ULK2: variants seen among roughly 807,000 people sequenced by gnomAD.
ULK2 encodes unc-51 like autophagy activating kinase 2.
Under a neutral mutation model 127.5 loss-of-function variants are expected in ULK2, and 76 were observed. That is an observed-to-expected ratio of 0.60 (90% CI 0.50 to 0.72). ULK2 has a LOEUF of 0.72. Ranked by LOEUF, ULK2 falls within the 30% of genes least tolerant of loss-of-function variation. The pLI, the probability that ULK2 is intolerant of heterozygous loss-of-function variation, is 0.00. For missense variants in ULK2, 1,144 were observed against 1,295.9 expected, an observed-to-expected ratio of 0.88 and a Z score of 1.80; for synonymous variants, 452 against 461.9, an observed-to-expected ratio of 0.98 and a Z score of 0.28.
At chr17:19,853,626 C>A (rs2042064418) in intron 3 of ULK2, among the ~76,000 whole-genome samples, 1 of 150,352 alleles carries the variant, frequency 6.7e-6, no homozygotes, top group Admixed American at 6.6e-5. Flanking sequence ...GGCTGGAGTG[C>A]AGTGGCACAA....
chr17:19,782,298 A>G (rs1249945517), intron 22 of ULK2, among the ~76,000 whole-genome samples: 1 of 152,214 alleles, frequency 6.6e-6, no homozygotes, highest in African/African-American at 2.4e-5. Flanking sequence ...GTACCCACAT[A>G]AGTAAACTCA....
At chr17:19,859,595 C>T (rs2042201628) in intron 3 of ULK2, among the ~76,000 whole-genome samples, 1 of 152,174 alleles carries the variant, frequency 6.6e-6, no homozygotes, top group Admixed American at 6.6e-5. Context: ...TATAAAAACA[C>T]ACAAAGATAT....
chr17:19,837,433 A>T (rs968048527), intron 10 of ULK2, among the ~76,000 whole-genome samples: 1 of 152,100 alleles, frequency 6.6e-6, no homozygotes, highest in Admixed American at 6.6e-5. Context: ...AAAATATAAA[A>T]ATAAATAAAT....
At position 19,797,557 on chromosome 17, in the gene ULK2, C is replaced by A; in HGVS notation, c.1648G>T (p.Val550Leu). The change falls in exon 18 of 27, where the codon GTG becomes TTG. Residue 550 changes from valine to leucine, a missense_variant. Val to Leu is a conservative substitution (Grantham distance 32). Around this residue, in one of 2 missense-constraint regions of ULK2, gnomAD observed 913 missense variants for 970.5 expected, o/e 0.94. Transcript: ENST00000395544. The stretch of plus-strand genomic sequence containing the variant: ...CCAGCCCCAGTATGGGATGGGCACA[C>A]GGGGTCAGAGTGCTGTTTTCTGAGC... ...QKLRKQHSDP[V>L]CPSHTGAGYS... is the part of the protein sequence containing the mutation. 6.2e-7 allele frequency: 1 copy of A among 1,613,756 alleles called. No individual in the cohort carries two copies. The highest frequency in any genetic ancestry group is 8.5e-7 in the Non-Finnish European group (1 of 1,179,978).
intron 25 of ULK2, among the ~76,000 whole-genome samples, 156 bp from the exon 26 acceptor site, chr17:19,777,872 G>A (rs897150911): frequency 6.6e-6 from 1 of 152,172 alleles, no homozygotes; most frequent in Admixed American, 6.5e-5. Context: ...AAGATTCTTT[G>A]GGATGAGCAA....
chr17:19,851,594 C>G (rs985446370), intron 3 of ULK2, among the ~76,000 whole-genome samples: 1 of 150,164 alleles, frequency 6.7e-6, no homozygotes, highest in Non-Finnish European at 1.5e-5. Context: ...GAGCTGAGAC[C>G]GCGCCACTGC....
At chr17:19,806,731 G>A (rs157405) in intron 14 of ULK2, among the ~76,000 whole-genome samples, 150,127 of 152,326 alleles carry the variant, frequency 0.99, 73,992 homozygotes, top group Middle Eastern at 1. Flanking sequence ...GGGAAAGTCT[G>A]TGTATGTCCT....
At chr17:19,780,349 A>G (rs1271828662) in intron 25 of ULK2, 123 bp downstream of exon 25, 1 of 851,726 alleles carries the variant, frequency 1.2e-6, no homozygotes, top group Admixed American at 3.5e-5. Context: ...GTAGAAGGCA[A>G]TCCACAATAC....
chr17:19,808,611 C>A (rs1179953946), intron 14 of ULK2, among the ~76,000 whole-genome samples: 2 of 152,108 alleles, frequency 1.3e-5, no homozygotes, highest in African/African-American at 4.8e-5. Flanking sequence ...TAAAAATGGG[C>A]AAAGATCTTG....
intron 14 of ULK2, among the ~76,000 whole-genome samples, chr17:19,805,449 A>G (rs541448943): frequency 9.2e-5 from 14 of 152,362 alleles, no homozygotes; most frequent in Admixed American, 2.0e-4. Flanking sequence ...TCCTAAAAAC[A>G]TATCAGAGAT....
In ULK2 at chr17:19,802,505, T is replaced by C. The variant is rs188604518; in HGVS notation, c.1296-583A>G. ...GTAAGAAGCATGGCATTATTTTATA[T>C]ATTTTTATAAATTTCTAATGGCTCA... On this transcript the variant is annotated intron_variant, in intron 15 of 26. Coordinates refer to ENST00000395544, the MANE Select transcript of ULK2 (RefSeq NM_014683.4). Among the ~76,000 whole-genome samples, 17 of 152,348 alleles carry C rather than the reference T, an allele frequency of 1.1e-4. 1 individual carries two copies. The East Asian group carries it at 2.9e-3, about 26-fold the overall frequency.
At chr17:19,829,492 G>A (rs547947415) in intron 10 of ULK2, among the ~76,000 whole-genome samples, 1 of 125,186 alleles carries the variant, frequency 8.0e-6, no homozygotes, top group Non-Finnish European at 1.6e-5. Flanking sequence ...AGCCAAGACT[G>A]CACCACCGCA....
At chr17:19,850,836 AATAT>A (rs2041997857) in intron 3 of ULK2, among the ~76,000 whole-genome samples, 1 of 151,974 alleles carries the variant, frequency 6.6e-6, no homozygotes, top group Non-Finnish European at 1.5e-5. Flanking sequence ...TGTCTCAAAA[AATAT>A]ATATAGATAG....
At position 19,818,807 on chromosome 17, in the gene ULK2, T is replaced by C. The variant is rs200772686; in HGVS notation, c.925-1887A>G. ...TTTCTTTTCTTTTTTCTTTTTTTTT[T>C]TTTTTTTTTTTGAGATGGAGTCTCA... On this transcript the variant is annotated intron_variant, in intron 12 of 26. Transcript: ENST00000395544. 2.7e-3 allele frequency among the ~76,000 whole-genome samples: 366 copies of C among 136,036 alleles called. 13 individuals are homozygous for C. The East Asian group carries it at 0.061, about 23-fold the overall frequency. 89.2% of individuals were successfully genotyped at this position (136,036 alleles called of 152,430 possible).
At chr17:19,822,370 T>A (rs2041171932) in intron 12 of ULK2, among the ~76,000 whole-genome samples, 1 of 150,022 alleles carries the variant, frequency 6.7e-6, no homozygotes, top group South Asian at 2.1e-4. Context: ...TTTATTTTAT[T>A]TTTTTTTTTG....
intron 9 of ULK2, 113 bp downstream of exon 9, chr17:19,841,376 C>T: frequency 1.9e-6 from 2 of 1,065,206 alleles, no homozygotes; most frequent in East Asian, 2.7e-5. Context: ...CAAATGCTTT[C>T]ACATTATCAA....
rs867620526 is a variant in ULK2 at position 19,784,111 on chromosome 17, T to G, written c.2252-206A>C. On this transcript the variant is annotated intron_variant, in intron 21 of 26. Transcript: ENST00000395544. ...TTATTCCTTGTCTATATATTTTATA[T>G]TAGACATCATCAGAGCTAGTTTTTT... 12 of 406,406 alleles carry G rather than the reference T, an allele frequency of 3.0e-5. No individual in the cohort carries two copies. In the Middle Eastern group the frequency reaches 3.9e-3, roughly 131 times the overall value. 25.2% of individuals were successfully genotyped at this position (406,406 alleles called of 1,614,324 possible). A position where few individuals can be genotyped will look rare whatever the true frequency, so the allele number is the denominator to read the frequency against.
chr17:19,851,416 T>C (rs1053240217), intron 3 of ULK2, among the ~76,000 whole-genome samples: 4 of 148,200 alleles, frequency 2.7e-5, no homozygotes, highest in Non-Finnish European at 5.9e-5. Context: ...GGTGGGCAGA[T>C]CACCTGAGGT....
intron 13 of ULK2, among the ~76,000 whole-genome samples, chr17:19,815,816 G>T (rs2152390142): frequency 6.6e-6 from 1 of 152,014 alleles, no homozygotes; most frequent in Non-Finnish European, 1.5e-5. Context: ...TAACAAACCT[G>T]CACGTTGTGC....
Sources: allele counts gnomAD v4.1 joint callset (sites outside exome capture counted in the v4.1 genomes callset), GRCh38; gene constraint gnomAD v4.1.1; regional missense constraint gnomAD v4.1.1; transcripts MANE v1.5; gene names NCBI Gene and HGNC (gene_info 2026-07-23, HGNC 2026-07-21).